SLX4IP: variants seen among roughly 807,000 people sequenced by gnomAD.
SLX4IP encodes the protein SLX4 interacting protein, also known as protein SLX4IP.
A neutral mutation model predicts 32.9 loss-of-function variants in SLX4IP; 34 were observed. The observed-to-expected ratio is 1.03, with a 90% CI of 0.79 to 1.38. SLX4IP has a LOEUF of 1.38. Among genes scored for constraint, SLX4IP ranks in the 40% most tolerant of loss-of-function variants. SLX4IP has a pLI of 0.00. For missense variants in SLX4IP, 444 were observed against 479.0 expected, an observed-to-expected ratio of 0.93 and a Z score of 0.68; for synonymous variants, 172 against 171.7, an observed-to-expected ratio of 1.00 and a Z score of -0.01.
At chr20:10,450,825 C>G (rs1271337766) in intron 1 of SLX4IP, among the ~76,000 whole-genome samples, 1 of 152,172 alleles carries the variant, frequency 6.6e-6, no homozygotes, top group East Asian at 1.9e-4. Flanking sequence ...GATCTCGGCT[C>G]ACTGCAAGCT....
chr20:10,584,990 T>A (rs1398924180), intron 4 of SLX4IP, among the ~76,000 whole-genome samples: 1 of 152,142 alleles, frequency 6.6e-6, no homozygotes, highest in Non-Finnish European at 1.5e-5. Flanking sequence ...GAAAACAGAC[T>A]ACATAAAAAG....
chr20:10,616,391 G>T (rs1232599), intron 6 of SLX4IP, among the ~76,000 whole-genome samples: 35,324 of 131,508 alleles, frequency 0.27, 4,839 homozygotes, highest in Middle Eastern at 0.35. Context: ...AAAAAAAAAT[G>T]AAATAAATAA....
chr20:10,543,102 A>T (rs985271670), intron 2 of SLX4IP, among the ~76,000 whole-genome samples: 1 of 152,178 alleles, frequency 6.6e-6, no homozygotes, highest in African/African-American at 2.4e-5. Context: ...TTTATTCACT[A>T]GGACTCATTT....
At chr20:10,508,665 C>G (rs1230599942) in intron 2 of SLX4IP, among the ~76,000 whole-genome samples, 1 of 152,166 alleles carries the variant, frequency 6.6e-6, no homozygotes, top group Non-Finnish European at 1.5e-5. Context: ...TTTAGAAACT[C>G]TTCTGCCTGC....
chr20:10,533,396 C>T lies in SLX4IP; in HGVS notation c.28-22835C>T, dbSNP rs114682964. On this transcript the variant is annotated intron_variant, in intron 2 of 7. Transcript: ENST00000334534. Reference sequence around the variant, plus strand: ...TGGCTCACTGTAACCTCCACCTCCTCGGGCTCAAGTGATTCTCCTGCATCA... The same window carrying T: ...TGGCTCACTGTAACCTCCACCTCCTTGGGCTCAAGTGATTCTCCTGCATCA... Among the ~76,000 whole-genome samples the T allele has an allele frequency of 5.9e-3, 895 of 151,924 alleles. 7 individuals carry two copies. Among genetic ancestry groups the T allele is most frequent in the African/African-American group, 0.02 (846 of 41,458 alleles).
chr20:10,532,778 AT>A (rs71334411), intron 2 of SLX4IP, among the ~76,000 whole-genome samples: 80,861 of 146,544 alleles, frequency 0.55, 22,792 homozygotes, highest in South Asian at 0.72. Flanking sequence ...GCCACAAGCA[AT>A]TTTTTTTTTT....
At chr20:10,601,178 T>TGTATA (rs765234668) in intron 5 of SLX4IP, among the ~76,000 whole-genome samples, 156 of 152,352 alleles carry the variant, frequency 1.0e-3, no homozygotes, top group Admixed American at 1.7e-3. Flanking sequence ...TTTAACCATT[T>TGTATA]TCTTAATAGT....
intron 4 of SLX4IP, among the ~76,000 whole-genome samples, chr20:10,567,410 C>T (rs2066408699): frequency 1.3e-5 from 2 of 152,272 alleles, no homozygotes; most frequent in African/African-American, 4.8e-5. Context: ...TGCCCTTCCT[C>T]CTTCTGCCGT....
At chr20:10,453,675 G>A (rs1339313308) in intron 1 of SLX4IP, among the ~76,000 whole-genome samples, 2 of 151,934 alleles carry the variant, frequency 1.3e-5, no homozygotes, top group Non-Finnish European at 2.9e-5. Context: ...TGGGCGGTTT[G>A]GAACCAATTC....
At chr20:10,622,505 TGTGGTGGGGA>T (rs2067122962) in intron 7 of SLX4IP, among the ~76,000 whole-genome samples, 144 bp from the exon 8 acceptor site, 1 of 152,210 alleles carries the variant, frequency 6.6e-6, no homozygotes, top group South Asian at 2.1e-4. Flanking sequence ...AACATACACC[TGTGGTGGGGA>T]GTGTTTCCAG....
At chr20:10,462,979 G>A (rs1392633755) in intron 2 of SLX4IP, among the ~76,000 whole-genome samples, 8 of 152,198 alleles carry the variant, frequency 5.3e-5, no homozygotes, top group Non-Finnish European at 7.3e-5. Flanking sequence ...AGCCATTTGG[G>A]GAGGCTGAGG....
chr20:10,455,369 C>A (rs2065276144), intron 1 of SLX4IP, among the ~76,000 whole-genome samples: 1 of 151,938 alleles, frequency 6.6e-6, no homozygotes, highest in Non-Finnish European at 1.5e-5. Flanking sequence ...ATATTTAGGT[C>A]TATGATCCAT....
At chr20:10,470,393 G>T (rs930510575) in intron 2 of SLX4IP, among the ~76,000 whole-genome samples, 11 of 152,096 alleles carry the variant, frequency 7.2e-5, no homozygotes, top group South Asian at 2.1e-4. Flanking sequence ...ATAATGTAAC[G>T]ATGCATAGTG....
At chr20:10,556,432 A>G (rs953800347) in intron 3 of SLX4IP, 112 bp downstream of exon 3, 10 of 1,080,814 alleles carry the variant, frequency 9.3e-6, no homozygotes, top group African/African-American at 4.8e-5. Flanking sequence ...TGCGTATTTA[A>G]TCCTTGAAAA....
chr20:10,529,823 G>C (rs911307411), intron 2 of SLX4IP, among the ~76,000 whole-genome samples: 2 of 152,074 alleles, frequency 1.3e-5, no homozygotes, highest in African/African-American at 4.8e-5. Flanking sequence ...AGTGCCAGGA[G>C]AATTTCATGA....
At chr20:10,550,090 T>G (rs2066203174) in intron 2 of SLX4IP, among the ~76,000 whole-genome samples, 1 of 152,200 alleles carries the variant, frequency 6.6e-6, no homozygotes, top group South Asian at 2.1e-4. Context: ...CTCATCTTCT[T>G]GACTCTGATT....
intron 2 of SLX4IP, among the ~76,000 whole-genome samples, chr20:10,464,593 G>A (rs961164499): frequency 3.9e-5 from 6 of 152,130 alleles, no homozygotes; most frequent in Admixed American, 2.0e-4. Context: ...CATAGATGCA[G>A]CCACTTTTGA....
intron 2 of SLX4IP, among the ~76,000 whole-genome samples, chr20:10,498,079 C>G (rs896709289): frequency 1.3e-5 from 2 of 150,930 alleles, no homozygotes; most frequent in East Asian, 1.9e-4. Context: ...ATCATTTTAA[C>G]TGGCAATATT....
At chr20:10,559,020 T>G (rs990854511) in intron 3 of SLX4IP, among the ~76,000 whole-genome samples, 1 of 152,248 alleles carries the variant, frequency 6.6e-6, no homozygotes, top group Non-Finnish European at 1.5e-5. Flanking sequence ...ATAGGGCATT[T>G]ATAGCCAAAT....
Sources: gnomAD v4.1 joint callset for allele counts (sites outside exome capture counted in the v4.1 genomes callset) on GRCh38, gnomAD v4.1.1 for gene constraint, MANE v1.5 for transcripts, NCBI Gene and HGNC (gene_info 2026-07-23, HGNC 2026-07-21) for gene names.